Variants in KDM4B observed in about 807,000 individuals in gnomAD.
KDM4B encodes the protein lysine-specific demethylase 4B.
KDM4B carries 32 observed loss-of-function variants against 125.2 expected under a neutral mutation model. That is an observed-to-expected ratio of 0.26 (90% CI 0.19 to 0.34). The LOEUF (loss-of-function observed/expected upper bound fraction) is 0.34, where lower values mean the gene tolerates loss of function less well. Ranked by LOEUF, KDM4B falls within the 10% of genes least tolerant of loss-of-function variation. The pLI is 1.00. For synonymous variants in KDM4B, 721 were observed against 677.9 expected (o/e 1.06, Z -0.99); for missense variants, 1,190 against 1,577.7 (o/e 0.75, Z 4.16).
intron 1 of KDM4B, among the ~76,000 whole-genome samples, chr19:4,999,522 G>C (rs2035301315): frequency 1.3e-5 from 2 of 152,092 alleles, no homozygotes; most frequent in African/African-American, 4.8e-5. Flanking sequence ...AGTGCTACTG[G>C]GGTGTCTTTG....
In KDM4B at chr19:5,131,475, G is replaced by A. The variant is rs780458647; in HGVS notation, c.1715G>A (p.Gly572Glu). ...KEPVSPMELT[G>E]PEDGAASSGA... ...CCAGTTTCCCCCATGGAGCTGACGG[G>A]GCCAGAGGACGGTGCAGCCAGCAGT... The change falls in exon 12 of 23, where the codon GGG (glycine) becomes GAG (glutamate). Residue 572 changes from glycine to glutamate, a missense_variant. Physicochemically the swap from Gly to Glu is moderately conservative, Grantham distance 98 (BLOSUM62 -2). This residue lies in a region of KDM4B where 428 missense variants were observed against 405.1 expected (regional missense o/e 1.06). Transcript: ENST00000159111. The A allele has an allele frequency of 2.4e-5, 39 of 1,592,960 alleles. No homozygotes were observed. The highest frequency in any genetic ancestry group is 3.0e-5 in the Non-Finnish European group (35 of 1,175,914).
intron 15 of KDM4B, 109 bp from the exon 16 acceptor site, chr19:5,137,153 A>C: frequency 1.4e-6 from 1 of 727,536 alleles, no homozygotes; most frequent in Non-Finnish European, 2.4e-6. Context: ...TCGTCACTCC[A>C]CATACGGACA....
At chr19:5,077,117 G>C in intron 7 of KDM4B, 2 of 553,916 alleles carry the variant, frequency 3.6e-6, no homozygotes, top group East Asian at 6.1e-5. Flanking sequence ...AGAGGCCAGA[G>C]GGTGTCACCA....
Position 5,151,423 on chromosome 19 carries a change from C to A in KDM4B, c.3203C>A (p.Ala1068Asp). ...CGCCCGCGTGTGGGCACCCCGCTTG[C>A]CACGGAGGACTCCGGGCGGAGCCAG... is the stretch of plus-strand genomic sequence containing the variant. ...AKRPRVGTPL[A>D]TEDSGRSQDY... Residue 1068 changes from alanine (A) to aspartate (D), a missense_variant, in exon 23 of 23, where the codon GCC becomes GAC. Physicochemically the swap from Ala to Asp is moderately radical, Grantham distance 126. Coordinates refer to ENST00000159111, the MANE Select transcript of KDM4B (RefSeq NM_015015.3). The A allele has an allele frequency of 6.4e-7, 1 of 1,572,648 alleles. No homozygotes were observed. The highest frequency in any genetic ancestry group is 2.4e-5 in the East Asian group (1 of 42,432).
chr19:5,082,267 A>T lies in KDM4B; in HGVS notation c.781-100A>T. On this transcript the variant is annotated intron_variant, in intron 8 of 22. Coordinates refer to ENST00000159111, the MANE Select transcript of KDM4B (RefSeq NM_015015.3). This position sits in a 1 kb window ranked among gnomAD's most constrained non-coding sequence, Gnocchi z 5.4. ...TGACTTTGTGAAACCCCCTTGGCTC[A>T]TAAGCCAGGCTCCCTGGCACTTGCT... 6.8e-7 allele frequency: 1 copy of T among 1,464,134 alleles called. No homozygotes were observed. The highest frequency in any genetic ancestry group is 9.3e-7 in the Non-Finnish European group (1 of 1,071,824). The allele number at this position is 1,464,134 out of a possible 1,614,324, so 90.7% of individuals were successfully genotyped here. A position where few individuals can be genotyped will look rare whatever the true frequency, so the allele number is the denominator to read the frequency against.
chr19:5,061,334 T>A (rs2009654), intron 6 of KDM4B, among the ~76,000 whole-genome samples: 102,277 of 152,150 alleles, frequency 0.67, 34,682 homozygotes, highest in East Asian at 0.94. Context: ...GAAATCATTG[T>A]CACCACTGGT....
At chr19:5,041,707 C>G (rs535002556) in intron 5 of KDM4B, among the ~76,000 whole-genome samples, 1 of 152,256 alleles carries the variant, frequency 6.6e-6, no homozygotes, top group Non-Finnish European at 1.5e-5. Context: ...TCTGCTGGAG[C>G]GTCCTCTTGT....
intron 2 of KDM4B, among the ~76,000 whole-genome samples, chr19:5,026,501 T>G (rs1011986292): frequency 1.3e-5 from 2 of 152,128 alleles, no homozygotes; most frequent in African/African-American, 4.8e-5. Context: ...TCTTCGAAAC[T>G]CTTGCTCGCC....
intron 1 of KDM4B, among the ~76,000 whole-genome samples, chr19:4,987,456 T>C (rs961513474): frequency 2.6e-5 from 4 of 151,884 alleles, no homozygotes; most frequent in African/African-American, 9.7e-5. Flanking sequence ...GGAGGTTATC[T>C]TGGGGCAGAC....
chr19:5,092,407 C>A (rs1256225736), intron 9 of KDM4B, among the ~76,000 whole-genome samples: 1 of 152,210 alleles, frequency 6.6e-6, no homozygotes, highest in Admixed American at 6.5e-5. Context: ...AGGCTCCCTG[C>A]GGGCCCTTCC....
At chr19:5,099,653 C>T (rs2038894183) in intron 9 of KDM4B, among the ~76,000 whole-genome samples, 1 of 152,184 alleles carries the variant, frequency 6.6e-6, no homozygotes, top group Non-Finnish European at 1.5e-5. Context: ...GAGAAAGGAA[C>T]ACAGGCAGTA....
chr19:5,069,499 G>A (rs1229713541), intron 6 of KDM4B, among the ~76,000 whole-genome samples: 2 of 151,730 alleles, frequency 1.3e-5, no homozygotes, highest in East Asian at 1.9e-4. Flanking sequence ...TCGTAGAGGC[G>A]GGGTTTCACC....
At chr19:5,146,948 A>AAAC (rs1555722945) in intron 21 of KDM4B, among the ~76,000 whole-genome samples, 3 of 150,426 alleles carry the variant, frequency 2.0e-5, no homozygotes, top group African/African-American at 7.3e-5. Flanking sequence ...CCAAAAAAAA[A>AAAC]AAAAAAAAAA....
chr19:5,124,971 C>A (rs2039424673), intron 11 of KDM4B, among the ~76,000 whole-genome samples: 1 of 151,942 alleles, frequency 6.6e-6, no homozygotes, highest in Non-Finnish European at 1.5e-5. Flanking sequence ...GCAGTCACGG[C>A]TCACTGCAGC....
intron 7 of KDM4B, chr19:5,076,854 G>A (rs1046571704): frequency 3.6e-5 from 6 of 165,394 alleles, no homozygotes; most frequent in Admixed American, 1.2e-4. Context: ...CGGCCACACC[G>A]TGTCCTCTCC....
rs960371558 is a variant in KDM4B at position 5,151,408 on chromosome 19, T to C, written c.3188T>C (p.Val1063Ala). The part of the protein sequence containing the change: ...EEAKAAKRPR[V>A]GTPLATEDSG... ...GCCAAGGCCGCCAAGCGCCCGCGTG[T>C]GGGCACCCCGCTTGCCACGGAGGAC... Residue 1063 changes from valine (V) to alanine (A), a missense_variant, in exon 23 of 23, where the codon GTG becomes GCG. Physicochemically the swap from Val to Ala is moderately conservative, Grantham distance 64. This residue lies in a region of KDM4B where 109 missense variants were observed against 93.8 expected (regional missense o/e 1.16). Coordinates refer to ENST00000159111, the MANE Select transcript of KDM4B (RefSeq NM_015015.3). 3.8e-6 allele frequency: 6 copies of C among 1,580,684 alleles called. No homozygotes were observed. The highest frequency in any genetic ancestry group is 5.1e-6 in the Non-Finnish European group (6 of 1,165,952).
chr19:4,985,931 C>T lies in KDM4B; in HGVS notation c.-109+16701C>T, dbSNP rs370819592. On this transcript the variant is annotated intron_variant, in intron 1 of 22. Transcript: ENST00000159111. ...CCCTCCACCTCTGTGTGTTCTGCAC[C>T]GGCCGTCTCCCGGTTTTTCCCTCGC... Among the ~76,000 whole-genome samples, 23 of 152,330 alleles carry T rather than the reference C, an allele frequency of 1.5e-4. No individual in the cohort carries two copies. In the South Asian group the frequency reaches 2.7e-3, roughly 18 times the overall value.
At position 5,135,514 on chromosome 19, in the gene KDM4B, C is replaced by T; in HGVS notation, c.2261C>T (p.Thr754Ile). Residue 754 changes from threonine (T) to isoleucine (I), a missense_variant, in exon 15 of 23, where the codon ACC becomes ATC. By Grantham distance (89) the Thr-to-Ile change is moderately conservative (BLOSUM62 -1). Transcript: ENST00000159111. ...PANSYIGDDGTSPLIACGKCC... is the reference protein window; with the variant it reads ...PANSYIGDDGISPLIACGKCC... ...AACTCCTACATCGGCGACGACGGGA[C>T]CAGCCCCCTGATCGCCTGCGGCAAG... 6.2e-7 allele frequency: 1 copy of T among 1,610,840 alleles called. No homozygotes were observed. Among genetic ancestry groups the T allele is most frequent in the Non-Finnish European group, 8.5e-7 (1 of 1,179,262 alleles).
intron 15 of KDM4B, among the ~76,000 whole-genome samples, chr19:5,136,251 C>T (rs2039646574): frequency 6.6e-6 from 1 of 152,174 alleles, no homozygotes; most frequent in Non-Finnish European, 1.5e-5. Flanking sequence ...GTGGTCAGGG[C>T]GTCTGATTTA....
Sources: allele counts gnomAD v4.1 joint callset (sites outside exome capture counted in the v4.1 genomes callset), GRCh38; gene constraint gnomAD v4.1.1; regional missense constraint gnomAD v4.1.1; non-coding constraint Gnocchi (gnomAD v3.1); transcripts MANE v1.5; gene names NCBI Gene and HGNC (gene_info 2026-07-23, HGNC 2026-07-21).